Variants in FSD1 observed in about 807,000 individuals in gnomAD.
FSD1 encodes fibronectin type III and SPRY domain containing 1, also known as fibronectin type III and SPRY domain-containing protein 1.
A neutral mutation model predicts 58.2 loss-of-function variants in FSD1; 23 were observed. The observed-to-expected ratio is 0.40, with a 90% CI of 0.28 to 0.56. FSD1 has a LOEUF of 0.56. Ranked by LOEUF, FSD1 falls within the 20% of genes least tolerant of loss-of-function variation. FSD1 has a pLI of 0.54. For synonymous variants in FSD1, 265 were observed against 263.4 expected (o/e 1.01, Z -0.06); for missense variants, 563 against 670.8 (o/e 0.84, Z 1.78).
At chr19:4,310,748 G>C (rs912458860) in intron 6 of FSD1, 152 bp downstream of exon 6, 1 of 855,934 alleles carries the variant, frequency 1.2e-6, no homozygotes, top group Non-Finnish European at 1.8e-6. Flanking sequence ...CGCCCTGTGG[G>C]GGGTGGAGTT....
chr19:4,308,738 G>A (rs1971654064), intron 4 of FSD1, among the ~76,000 whole-genome samples: 1 of 151,512 alleles, frequency 6.6e-6, no homozygotes, highest in African/African-American at 2.4e-5. Flanking sequence ...GGCACCTGTA[G>A]TTCCAGCTAC....
rs767068717 is a variant in FSD1, at chr19:4,310,606, G to A, written c.490+10G>A. 6.8e-6 allele frequency: 11 copies of A among 1,610,726 alleles called. No individual in the cohort carries two copies. The African/African-American group carries it at 1.1e-4, about 16-fold the overall frequency. ...CTCAAGTTCCTGCCTGGTGAGAGGGGCACGCACTAGAGGGCCAGGACTTCC... is the reference window on the plus strand; with the variant it reads ...CTCAAGTTCCTGCCTGGTGAGAGGGACACGCACTAGAGGGCCAGGACTTCC... On this transcript the variant is annotated intron_variant, in intron 6 of 12. Transcript: ENST00000221856.
chr19:4,306,746 G>T (rs1020564443), intron 3 of FSD1, among the ~76,000 whole-genome samples: 1 of 151,656 alleles, frequency 6.6e-6, no homozygotes, highest in Non-Finnish European at 1.5e-5. Context: ...GAGCCCCCGC[G>T]CCTGGCCCAT....
At chr19:4,310,723 G>A (rs1026783691) in intron 6 of FSD1, 127 bp downstream of exon 6, 2 of 1,151,078 alleles carry the variant, frequency 1.7e-6, no homozygotes, top group Non-Finnish European at 2.4e-6. Context: ...GGGAGGTGGA[G>A]CTCTGAGAAT....
intron 4 of FSD1, among the ~76,000 whole-genome samples, chr19:4,308,837 A>T (rs529931362): frequency 5.0e-5 from 7 of 140,624 alleles, no homozygotes. Context: ...CAGCCTGGGC[A>T]ACAGAGCGAG....
chr19:4,305,058 C>T (rs1256764873), intron 1 of FSD1, among the ~76,000 whole-genome samples: 1 of 140,688 alleles, frequency 7.1e-6, no homozygotes, highest in African/African-American at 2.7e-5. Context: ...GGCCGCGGAC[C>T]AGGCGTCCCG....
chr19:4,322,873 C>CAGGGAGCAGCTGTGGTGT, intron 10 of FSD1, 113 bp from the exon 11 acceptor site: 1 of 1,297,768 alleles, frequency 7.7e-7, no homozygotes, highest in South Asian at 1.4e-5. Flanking sequence ...AGTGTCTCTG[C>CAGGGAGCAGCTGTGGTGT]AGGGAGCAGC....
chr19:4,305,289 C>T (rs1971606031), intron 1 of FSD1, among the ~76,000 whole-genome samples: 1 of 150,574 alleles, frequency 6.6e-6, no homozygotes, highest in South Asian at 2.1e-4. Context: ...TCCACCTTTG[C>T]CCAGGTAATT....
chr19:4,320,804 G>A (rs965081603), intron 10 of FSD1, among the ~76,000 whole-genome samples: 2 of 149,846 alleles, frequency 1.3e-5, no homozygotes, highest in Middle Eastern at 3.6e-3. Flanking sequence ...GAGGGGAATC[G>A]CTGGGACTGA....
At chr19:4,317,948 C>T (rs1426569262) in intron 8 of FSD1, among the ~76,000 whole-genome samples, 2 of 152,032 alleles carry the variant, frequency 1.3e-5, no homozygotes, top group Non-Finnish European at 2.9e-5. Context: ...ACCCAGGAGG[C>T]GGAGGTTGCA....
In FSD1 at chr19:4,312,037, A is replaced by G. The variant is rs201618674; in HGVS notation, c.686A>G (p.Glu229Gly). The G allele has an allele frequency of 3.1e-6, 5 of 1,607,844 alleles. No individual in the cohort carries two copies. In the East Asian group the frequency reaches 8.9e-5, roughly 29 times the overall value. The change falls in exon 7 of 13, where the codon GAG (glutamate) becomes GGG (glycine). Residue 229 changes from glutamate (E) to glycine (G), a missense_variant. By Grantham distance (98) the Glu-to-Gly change is moderately conservative (BLOSUM62 -2). Transcript: ENST00000221856. Reference protein sequence around the residue: ...WMVIEGIRQTEYTLTGLKFDM... With the variant: ...WMVIEGIRQTGYTLTGLKFDM... ...GTCATCGAGGGCATCCGGCAGACAGAGTACACCCTGACAGGTAAGGGCAGT... is the reference window on the plus strand; with the variant it reads ...GTCATCGAGGGCATCCGGCAGACAGGGTACACCCTGACAGGTAAGGGCAGT...
chr19:4,315,296 GGTTA>G (rs1971741262), intron 7 of FSD1, among the ~76,000 whole-genome samples: 1 of 142,956 alleles, frequency 7.0e-6, no homozygotes, highest in African/African-American at 2.6e-5. Flanking sequence ...CCCAACGCCT[GGTTA>G]ATTTTTTTTT....
At chr19:4,308,824 C>G (rs377628523) in intron 4 of FSD1, among the ~76,000 whole-genome samples, 4 of 151,266 alleles carry the variant, frequency 2.6e-5, no homozygotes, top group East Asian at 2.0e-4. Context: ...CGCCACCGCA[C>G]TCCAGCCTGG....
At chr19:4,319,732 T>TGA (rs562598161) in intron 10 of FSD1, among the ~76,000 whole-genome samples, 40 of 151,214 alleles carry the variant, frequency 2.6e-4, no homozygotes, top group South Asian at 4.2e-4. Context: ...TGCTGAGATT[T>TGA]GAGAGAGAGA....
chr19:4,323,333 G>A lies in FSD1; in HGVS notation c.1292-15G>A. 1 of 1,611,582 alleles carries A rather than the reference G, an allele frequency of 6.2e-7. No homozygotes were observed. Among genetic ancestry groups the A allele is most frequent in the Non-Finnish European group, 8.5e-7 (1 of 1,178,694 alleles). ...TTCTGACCGGTCCCACTGTCACTCT[G>A]CCCCCCGACCCCAGGCCTCCTGTCC... is the stretch of plus-strand genomic sequence containing the variant. On this transcript the variant is annotated splice_polypyrimidine_tract_variant and intron_variant, in intron 11 of 12. Transcript: ENST00000221856. This position sits in a 1 kb window ranked among gnomAD's most constrained non-coding sequence, Gnocchi z 7.7.
At chr19:4,320,691 G>C (rs1971803756) in intron 10 of FSD1, among the ~76,000 whole-genome samples, 1 of 151,764 alleles carries the variant, frequency 6.6e-6, no homozygotes, top group Admixed American at 6.6e-5. Flanking sequence ...GCTGGGACTT[G>C]AGGAGCATCT....
chr19:4,305,490 C>T (rs1278644163), intron 1 of FSD1, among the ~76,000 whole-genome samples: 2 of 152,118 alleles, frequency 1.3e-5, no homozygotes, highest in Admixed American at 6.6e-5. Context: ...CCCTCACGCC[C>T]CACCTTCAGG....
At position 4,304,637 on chromosome 19, in the gene FSD1, C is replaced by A. The variant is rs1369566809; in HGVS notation, c.-110C>A. On this transcript the variant is annotated 5_prime_UTR_variant, in exon 1 of 13. Transcript: ENST00000221856. ...GATGGAGCGCTAACCGGGGGCGCGGCGGCGGCGAGGGCTCGGCGGGCCATT... is the reference window on the plus strand; with the variant it reads ...GATGGAGCGCTAACCGGGGGCGCGGAGGCGGCGAGGGCTCGGCGGGCCATT... 1 of 593,926 alleles carries A rather than the reference C, an allele frequency of 1.7e-6. No homozygotes were observed. Among genetic ancestry groups the A allele is most frequent in the Non-Finnish European group, 2.4e-6 (1 of 408,674 alleles). The allele number at this position is 593,926 out of a possible 1,614,324, so 36.8% of individuals were successfully genotyped here. A position where few individuals can be genotyped will look rare whatever the true frequency, so the allele number is the denominator to read the frequency against.
intron 8 of FSD1, among the ~76,000 whole-genome samples, chr19:4,317,979 A>G (rs896068676): frequency 1.4e-4 from 21 of 152,064 alleles, no homozygotes; most frequent in Non-Finnish European, 1.5e-4. Flanking sequence ...ATTGTGCCAC[A>G]GCACTCCAGC....
Sources: gnomAD v4.1 joint callset for allele counts (sites outside exome capture counted in the v4.1 genomes callset) on GRCh38, gnomAD v4.1.1 for gene constraint, Gnocchi (gnomAD v3.1) non-coding constraint, MANE v1.5 for transcripts, NCBI Gene and HGNC (gene_info 2026-07-23, HGNC 2026-07-21) for gene names.